FBXO36: variants seen among roughly 807,000 people sequenced by gnomAD.
FBXO36 encodes F-box only protein 36.
In FBXO36, 18 loss-of-function variants were observed where a neutral mutation model predicts 17.0. The observed-to-expected ratio is 1.06, with a 90% CI of 0.73 to 1.57. FBXO36 has a LOEUF of 1.57. Among genes scored for constraint, FBXO36 ranks in the 40% most tolerant of loss-of-function variants. The pLI is 0.00. For synonymous variants in FBXO36, 83 were observed against 85.3 expected (o/e 0.97, Z 0.15); for missense variants, 229 against 221.9 (o/e 1.03, Z -0.20).
At chr2:230,000,375 AAAAG>A (rs970988022) in intron 3 of FBXO36, among the ~76,000 whole-genome samples, 12 of 151,350 alleles carry the variant, frequency 7.9e-5, no homozygotes, top group Non-Finnish European at 1.2e-4. Context: ...AAAAAAAAAA[AAAAG>A]AAGCAGCAGC....
chr2:229,949,124 C>A (rs558790803), intron 1 of FBXO36, among the ~76,000 whole-genome samples: 1 of 152,264 alleles, frequency 6.6e-6, no homozygotes, highest in African/African-American at 2.4e-5. Context: ...TGAGCCACTG[C>A]GCCCAGCCTC....
At chr2:229,978,095 A>G (rs1242214936) in intron 2 of FBXO36, among the ~76,000 whole-genome samples, 10 of 151,912 alleles carry the variant, frequency 6.6e-5, no homozygotes. Flanking sequence ...CCACAAAAAC[A>G]AAACAAAACA....
intron 1 of FBXO36, among the ~76,000 whole-genome samples, chr2:229,954,546 T>C (rs1171625792): frequency 7.4e-6 from 1 of 134,336 alleles, no homozygotes; most frequent in African/African-American, 2.7e-5. Context: ...CCCGGCCTTT[T>C]TTTTTTTTTT....
intron 3 of FBXO36, among the ~76,000 whole-genome samples, chr2:230,009,661 C>T (rs549717113): frequency 6.6e-6 from 1 of 152,188 alleles, no homozygotes; most frequent in South Asian, 2.1e-4. Context: ...AATACAACTT[C>T]CGGCCGGGCA....
intron 1 of FBXO36, among the ~76,000 whole-genome samples, chr2:229,954,234 A>ATTTTTTTTTTTT (rs60093081): frequency 0.076 from 5,392 of 71,206 alleles, 1,668 homozygotes; most frequent in East Asian, 0.12. Flanking sequence ...AACCCTTTGG[A>ATTTTTTTTTTTT]TTTTTTTTTT....
At chr2:229,968,603 G>A (rs1030901755) in intron 1 of FBXO36, among the ~76,000 whole-genome samples, 1 of 152,054 alleles carries the variant, frequency 6.6e-6, no homozygotes, top group African/African-American at 2.4e-5. Flanking sequence ...TACAAGCTGG[G>A]ACTACAGGCG....
intron 1 of FBXO36, among the ~76,000 whole-genome samples, chr2:229,936,637 G>A (rs1452627307): frequency 6.6e-6 from 1 of 152,116 alleles, no homozygotes; most frequent in Admixed American, 6.6e-5. Context: ...GTGAGCCTGA[G>A]GCAGGAGAAT....
intron 1 of FBXO36, among the ~76,000 whole-genome samples, chr2:229,967,305 CA>C (rs1398070920): frequency 1.3e-5 from 2 of 152,126 alleles, no homozygotes; most frequent in African/African-American, 4.8e-5. Flanking sequence ...TCTAGATATA[CA>C]ATCATGTCGT....
At position 230,008,072 on chromosome 2, in the gene FBXO36, A is replaced by G. The variant is rs1487182522; in HGVS notation, c.379-2624A>G. ...AATCGATATTAAGGTTGTACAGATCAAATGTCTCAGGGGACTCTAGAAGGC... is the reference window on the plus strand; with the variant it reads ...AATCGATATTAAGGTTGTACAGATCGAATGTCTCAGGGGACTCTAGAAGGC... On this transcript the variant is annotated intron_variant, in intron 3 of 3. Coordinates refer to ENST00000283946, the MANE Select transcript of FBXO36 (RefSeq NM_174899.5). Among the ~76,000 whole-genome samples the G allele has an allele frequency of 6.6e-5, 10 of 152,298 alleles. No homozygotes were observed. The East Asian group carries it at 1.9e-3, about 29-fold the overall frequency.
At chr2:229,968,683 G>A (rs1292193214) in intron 1 of FBXO36, among the ~76,000 whole-genome samples, 2 of 152,080 alleles carry the variant, frequency 1.3e-5, no homozygotes. Context: ...GCCCAGGGTG[G>A]TCTCAAACTC....
intron 3 of FBXO36, 147 bp from the exon 4 acceptor site, chr2:230,010,549 G>A (rs2077410113): frequency 1.6e-6 from 1 of 629,234 alleles, no homozygotes; most frequent in East Asian, 2.8e-5. Flanking sequence ...TTTGTGTCTG[G>A]CTGTTTTCCT....
At chr2:229,943,444 G>T (rs1226611019) in intron 1 of FBXO36, among the ~76,000 whole-genome samples, 1 of 152,184 alleles carries the variant, frequency 6.6e-6, no homozygotes, top group East Asian at 1.9e-4. Flanking sequence ...CCTTGAAATG[G>T]GGCTGTGGGA....
At chr2:229,955,818 A>G (rs935108883) in intron 1 of FBXO36, among the ~76,000 whole-genome samples, 1 of 152,208 alleles carries the variant, frequency 6.6e-6, no homozygotes, top group African/African-American at 2.4e-5. Flanking sequence ...GCCAATGAAA[A>G]GTTAAGGCTT....
intron 1 of FBXO36, among the ~76,000 whole-genome samples, chr2:229,973,112 A>AC (rs2077189531): frequency 6.6e-6 from 1 of 151,934 alleles, no homozygotes; most frequent in South Asian, 2.1e-4. Context: ...ATTCGTTAAA[A>AC]ATTCTTCCAA....
intron 1 of FBXO36, among the ~76,000 whole-genome samples, chr2:229,954,769 A>G (rs995668336): frequency 7.5e-5 from 11 of 146,890 alleles, no homozygotes; most frequent in East Asian, 2.0e-4. Context: ...GGATGGACTC[A>G]ATCTCCTGAC....
chr2:229,980,244 A>G lies in FBXO36; in HGVS notation c.205+3895A>G, dbSNP rs1316054545. On this transcript the variant is annotated intron_variant, in intron 2 of 3. Coordinates refer to ENST00000283946, the MANE Select transcript of FBXO36 (RefSeq NM_174899.5). ...CCTGGCTAATTTTTGTATTTTTAGT[A>G]GAGATGAGGTTTCATCATGTTGGCC... Among the ~76,000 whole-genome samples, 10 of 149,272 alleles carry G rather than the reference A, an allele frequency of 6.7e-5. No individual in the cohort carries two copies. The East Asian group carries it at 1.5e-3, about 23-fold the overall frequency.
chr2:229,975,038 AATATAAG>A (rs1207972261), intron 1 of FBXO36, among the ~76,000 whole-genome samples: 1 of 152,210 alleles, frequency 6.6e-6, no homozygotes, highest in Admixed American at 6.6e-5. Context: ...TTAAAAACAT[AATATAAG>A]ATATGTTTCA....
intron 1 of FBXO36, among the ~76,000 whole-genome samples, chr2:229,973,955 T>A (rs2077194588): frequency 6.6e-6 from 1 of 151,524 alleles, no homozygotes; most frequent in Non-Finnish European, 1.5e-5. Flanking sequence ...GAGGCTGAGA[T>A]GAGAGAATCA....
chr2:229,996,602 A>G (rs1283700271), intron 2 of FBXO36, 149 bp from the exon 3 acceptor site: 1 of 839,030 alleles, frequency 1.2e-6, no homozygotes, highest in East Asian at 2.7e-5. Context: ...AGTTAGTCCC[A>G]AAGGCAGCTC....
Sources: gnomAD v4.1 joint callset for allele counts (sites outside exome capture counted in the v4.1 genomes callset) on GRCh38, gnomAD v4.1.1 for gene constraint, MANE v1.5 for transcripts, NCBI Gene and HGNC (gene_info 2026-07-23, HGNC 2026-07-21) for gene names.